The following SEC14L2 variants were observed in gnomAD, a reference collection of about 807,000 sequenced individuals.
The protein encoded by SEC14L2 is SEC14-like protein 2.
Under a neutral mutation model 56.9 loss-of-function variants are expected in SEC14L2, and 50 were observed. That is an observed-to-expected ratio of 0.88 (90% CI 0.70 to 1.11). The LOEUF (loss-of-function observed/expected upper bound fraction) is 1.11. Ranked by LOEUF, SEC14L2 falls within the 50% of genes most tolerant of loss-of-function variation. SEC14L2 has a pLI of 0.00. For synonymous variants in SEC14L2, 179 were observed against 188.5 expected (o/e 0.95, Z 0.41); for missense variants, 414 against 500.7 (o/e 0.83, Z 1.65).
intron 2 of SEC14L2, among the ~76,000 whole-genome samples, chr22:30,403,348 C>G (rs879409450): frequency 1.3e-5 from 2 of 152,198 alleles, no homozygotes; most frequent in African/African-American, 2.4e-5. Context: ...GATCAGAGAG[C>G]AGGATAAAAC....
chr22:30,407,647 G>C (rs1934135391), intron 5 of SEC14L2, 44 bp downstream of exon 5: 18 of 1,562,644 alleles, frequency 1.2e-5, no homozygotes, highest in Non-Finnish European at 1.6e-5. Flanking sequence ...CCACAGCAGA[G>C]GCATTCCAGC....
intron 11 of SEC14L2, chr22:30,416,840 C>T: frequency 9.2e-7 from 1 of 1,084,078 alleles, no homozygotes; most frequent in Non-Finnish European, 1.1e-6. Flanking sequence ...ACTCATCTCC[C>T]AGCTGACCAA....
intron 5 of SEC14L2, among the ~76,000 whole-genome samples, chr22:30,408,800 A>C (rs1707723420): frequency 6.6e-6 from 1 of 152,232 alleles, no homozygotes; most frequent in Admixed American, 6.5e-5. Context: ...GAAGCATTAG[A>C]CGTGGATGCA....
At chr22:30,404,022 A>G (rs1170714381) in intron 2 of SEC14L2, among the ~76,000 whole-genome samples, 2,553 of 133,654 alleles carry the variant, frequency 0.019, 74 homozygotes, top group African/African-American at 0.067. Flanking sequence ...AAAAAAAAAA[A>G]AAAAAAAGAA....
At chr22:30,407,263 C>T in intron 4 of SEC14L2, 109 bp downstream of exon 4, 2 of 1,459,704 alleles carry the variant, frequency 1.4e-6, no homozygotes, top group Admixed American at 3.4e-5. Context: ...TGACAATGCC[C>T]ACTGAGCCCT....
At chr22:30,397,845 G>T (rs969672642) in intron 1 of SEC14L2, 3 of 471,004 alleles carry the variant, frequency 6.4e-6, no homozygotes, top group Non-Finnish European at 8.8e-6. Context: ...AGGACTTAAG[G>T]TTTATGCTCC....
chr22:30,399,312 C>G (rs979924197), intron 1 of SEC14L2, among the ~76,000 whole-genome samples: 2 of 151,972 alleles, frequency 1.3e-5, no homozygotes, highest in South Asian at 4.2e-4. Context: ...GTCAGGAGAT[C>G]AAGACTACCC....
At chr22:30,409,713 C>T (rs1934197347) in intron 7 of SEC14L2, among the ~76,000 whole-genome samples, 1 of 151,242 alleles carries the variant, frequency 6.6e-6, no homozygotes, top group Admixed American at 6.6e-5. Context: ...GCCTGGGTAA[C>T]ACAGCAAGAC....
chr22:30,418,724 T>C lies in SEC14L2; in HGVS notation c.1081+2321T>C, dbSNP rs146245161. Among the ~76,000 whole-genome samples, 198 of 152,304 alleles carry C rather than the reference T, an allele frequency of 1.3e-3. 1 individual carries two copies. Among genetic ancestry groups the C allele is most frequent in the African/African-American group, 4.7e-3 (195 of 41,574 alleles). ...AGACAATGAAGTTGGAATCAGCTGT[T>C]ACCTGGTGCCACAGCTAAGGTTAGA... is the stretch of plus-strand genomic sequence containing the variant. On this transcript the variant is annotated intron_variant, in intron 11 of 11. Transcript: ENST00000615189.
intron 8 of SEC14L2, among the ~76,000 whole-genome samples, chr22:30,414,251 T>C (rs1934328618): frequency 6.6e-6 from 1 of 152,158 alleles, no homozygotes; most frequent in Admixed American, 6.6e-5. Context: ...CAAGAGGTTT[T>C]TATGATTTTT....
intron 2 of SEC14L2, among the ~76,000 whole-genome samples, chr22:30,403,860 G>A (rs1210565304): frequency 4.0e-5 from 6 of 151,730 alleles, no homozygotes; most frequent in African/African-American, 2.4e-5. Context: ...AAAATTAGCC[G>A]GGTGCGGTGG....
intron 9 of SEC14L2, 26 bp from the exon 10 acceptor site, chr22:30,415,922 C>T (rs769892185): frequency 6.2e-7 from 1 of 1,614,166 alleles, no homozygotes; most frequent in East Asian, 2.2e-5. Context: ...ATGCACATTC[C>T]AGTTCACTCC....
rs1434438358 is a variant in SEC14L2 at position 30,409,441 on chromosome 22, G to A, written c.535G>A (p.Glu179Lys). Residue 179 changes from glutamate to lysine, a missense_variant, in exon 7 of 12, where the codon GAG becomes AAG. Physicochemically the swap from Glu to Lys is moderately conservative, Grantham distance 56 (BLOSUM62 1). Coordinates refer to ENST00000615189, the MANE Select transcript of SEC14L2 (RefSeq NM_012429.5). ...EAYGEFLCMFEENYPETLKRL... is the reference protein window; with the variant it reads ...EAYGEFLCMFKENYPETLKRL... The stretch of plus-strand genomic sequence containing the variant: ...GTTTCCACAGTTTCTCTGCATGTTT[G>A]AGGAAAATTATCCCGAAACACTGAA... 1 of 1,614,194 alleles carries A rather than the reference G, an allele frequency of 6.2e-7. No homozygotes were observed. Among genetic ancestry groups the A allele is most frequent in the Non-Finnish European group, 8.5e-7 (1 of 1,180,026 alleles).
intron 4 of SEC14L2, 101 bp from the exon 5 acceptor site, chr22:30,407,314 G>T: frequency 6.8e-7 from 1 of 1,465,174 alleles, no homozygotes; most frequent in Non-Finnish European, 9.4e-7. Context: ...CCCAGGAGAG[G>T]GAGGTAGAGA....
intron 3 of SEC14L2, 80 bp downstream of exon 3, chr22:30,406,465 A>G (rs374469539): frequency 1.4e-6 from 2 of 1,407,844 alleles, no homozygotes; most frequent in Non-Finnish European, 2.0e-6. Context: ...CGCACCTCCC[A>G]TCCCAATCAC....
chr22:30,404,835 C>T (rs1934046839), intron 2 of SEC14L2, among the ~76,000 whole-genome samples: 1 of 152,026 alleles, frequency 6.6e-6, no homozygotes, highest in Non-Finnish European at 1.5e-5. Context: ...TTTGGGAGGC[C>T]CAGGCGGGTG....
intron 1 of SEC14L2, among the ~76,000 whole-genome samples, 178 bp from the exon 2 acceptor site, chr22:30,399,465 A>G (rs1933856538): frequency 7.2e-6 from 1 of 138,162 alleles, no homozygotes; most frequent in East Asian, 2.3e-4. Context: ...CAGGGAGTGG[A>G]GATCGCCCAC....
chr22:30,416,644 A>C, intron 11 of SEC14L2: 1 of 1,437,340 alleles, frequency 7.0e-7, no homozygotes, highest in Non-Finnish European at 9.1e-7. Context: ...GGTGAGTCAC[A>C]GTCCTAGGCG....
At chr22:30,403,507 CCT>C (rs951465259) in intron 2 of SEC14L2, among the ~76,000 whole-genome samples, 4 of 152,158 alleles carry the variant, frequency 2.6e-5, no homozygotes, top group East Asian at 1.9e-4. Context: ...TTGAGTTGCC[CCT>C]GACCAGGGCA....
Sources: gnomAD v4.1 joint callset for allele counts (sites outside exome capture counted in the v4.1 genomes callset) on GRCh38, gnomAD v4.1.1 for gene constraint, MANE v1.5 for transcripts, NCBI Gene and HGNC (gene_info 2026-07-23, HGNC 2026-07-21) for gene names.